Variants in RELN observed in about 807,000 individuals in gnomAD.
RELN encodes the protein reelin.
In RELN, 108 loss-of-function variants were observed where a neutral mutation model predicts 427.6. The ratio of observed to expected loss-of-function variants is 0.25; its 90% CI spans 0.22 to 0.30. The LOEUF is 0.30. RELN is among the 10% of genes least tolerant of loss of function. RELN has a pLI of 1.00. For missense variants in RELN, 3,715 were observed against 4,302.8 expected (o/e 0.86, Z 3.82); for synonymous variants, 1,524 against 1,513.4 (o/e 1.01, Z -0.16).
chr7:103,559,244 GAGATACC>G (rs1180468005), intron 36 of RELN, among the ~76,000 whole-genome samples: 1 of 152,210 alleles, frequency 6.6e-6, no homozygotes, highest in Non-Finnish European at 1.5e-5. Context: ...TATCCTTTAT[GAGATACC>G]AGTGTTTTGT....
At chr7:103,868,218 A>G (rs911322537) in intron 2 of RELN, among the ~76,000 whole-genome samples, 29 of 152,102 alleles carry the variant, frequency 1.9e-4, no homozygotes, top group African/African-American at 6.0e-4. Context: ...TTGGGAACCA[A>G]TTTGGAAATT....
chr7:103,753,751 T>G (rs1791063928), intron 4 of RELN, among the ~76,000 whole-genome samples: 2 of 152,242 alleles, frequency 1.3e-5, no homozygotes, highest in Non-Finnish European at 2.9e-5. Flanking sequence ...TTAACTGTAA[T>G]TTCCAGTATC....
intron 3 of RELN, among the ~76,000 whole-genome samples, chr7:103,782,083 C>T (rs925898916): frequency 6.6e-6 from 1 of 152,074 alleles, no homozygotes; most frequent in African/African-American, 2.4e-5. Flanking sequence ...ACAAGAGCCC[C>T]TATTAACTAA....
chr7:103,906,939 G>A (rs1285758267), intron 2 of RELN, among the ~76,000 whole-genome samples: 1 of 152,058 alleles, frequency 6.6e-6, no homozygotes, highest in Non-Finnish European at 1.5e-5. Flanking sequence ...ATTTCTTTGT[G>A]TCCTCCTTAA....
At chr7:103,496,409 GA>G in intron 56 of RELN, 116 bp downstream of exon 56, 1 of 1,364,560 alleles carries the variant, frequency 7.3e-7, no homozygotes, top group South Asian at 1.2e-5. Flanking sequence ...AACATTTGTT[GA>G]GCAGGAGTAT....
At chr7:103,755,131 A>AT (rs147422867) in intron 4 of RELN, among the ~76,000 whole-genome samples, 1 of 151,594 alleles carries the variant, frequency 6.6e-6, no homozygotes, top group Non-Finnish European at 1.5e-5. Context: ...GACCGAAGGG[A>AT]TTTTTTTGTT....
chr7:103,660,035 G>GA (rs1484081422), intron 12 of RELN, among the ~76,000 whole-genome samples: 2 of 151,846 alleles, frequency 1.3e-5, no homozygotes, highest in African/African-American at 4.8e-5. Context: ...CTTTGTTCCA[G>GA]AAAAAATTAA....
intron 3 of RELN, among the ~76,000 whole-genome samples, chr7:103,785,960 G>A (rs922754203): frequency 6.6e-6 from 1 of 151,290 alleles, no homozygotes; most frequent in Non-Finnish European, 1.5e-5. Context: ...TTTTGACTGT[G>A]ATGAAGTCAA....
chr7:103,485,920 T>A (rs893763307), intron 61 of RELN, among the ~76,000 whole-genome samples: 9 of 152,248 alleles, frequency 5.9e-5, no homozygotes, highest in African/African-American at 1.4e-4. Flanking sequence ...AACCATTTTT[T>A]AAAATATTTG....
intron 6 of RELN, among the ~76,000 whole-genome samples, chr7:103,740,472 G>C (rs682018): frequency 0.22 from 33,282 of 152,064 alleles, 4,811 homozygotes; most frequent in African/African-American, 0.41. Context: ...TAAATAATTT[G>C]AAATATTCAA....
intron 41 of RELN, among the ~76,000 whole-genome samples, chr7:103,548,283 T>A (rs887655991): frequency 6.6e-6 from 1 of 152,240 alleles, no homozygotes; most frequent in African/African-American, 2.4e-5. Context: ...TTTGTGTGTA[T>A]TTCGTGTCCA....
chr7:103,920,567 G>GTTTTTTTTTTTTTT (rs530809994), intron 1 of RELN, among the ~76,000 whole-genome samples: 2 of 134,278 alleles, frequency 1.5e-5, no homozygotes, highest in Admixed American at 1.5e-4. Context: ...CCAGTCTTTG[G>GTTTTTTTTTTTTTT]TTTTTTTTTT....
Position 103,539,324 on chromosome 7 carries a change from G to A in RELN, c.6934C>T (p.Leu2312Phe). 6.2e-7 allele frequency: 1 copy of A among 1,613,762 alleles called. No homozygotes were observed. Among genetic ancestry groups the A allele is most frequent in the South Asian group, 1.1e-5 (1 of 91,066 alleles). Reference sequence around the variant, plus strand: ...TTACCAGAAATATTTCCTCCAATAAGAATCTGAAATGTATTTTTAAAAAAT... The same window carrying A: ...TTACCAGAAATATTTCCTCCAATAAAAATCTGAAATGTATTTTTAAAAAAT... ...FYSPWVIDQI[L>F]IGGNISGNTV... The change falls in exon 45 of 65, where the codon CTT becomes TTT. Residue 2312 changes from leucine (L) to phenylalanine (F), a missense_variant. This residue lies in a region of RELN where 1,310 missense variants were observed against 1,643.0 expected (regional missense o/e 0.80). Transcript: ENST00000428762.
At chr7:103,608,022 A>T (rs961914925) in intron 22 of RELN, among the ~76,000 whole-genome samples, 1 of 152,180 alleles carries the variant, frequency 6.6e-6, no homozygotes, top group Non-Finnish European at 1.5e-5. Context: ...CCCAAAGTTA[A>T]CAAATATGTG....
At chr7:103,877,094 G>A (rs1794497836) in intron 2 of RELN, among the ~76,000 whole-genome samples, 1 of 152,022 alleles carries the variant, frequency 6.6e-6, no homozygotes, top group South Asian at 2.1e-4. Context: ...TCTCAGGGCT[G>A]TTTGCAAATT....
intron 11 of RELN, among the ~76,000 whole-genome samples, chr7:103,675,475 T>C (rs574422654): frequency 1.1e-3 from 174 of 152,298 alleles, no homozygotes; most frequent in Non-Finnish European, 2.2e-3. Flanking sequence ...AGGTAATTTA[T>C]AGATTCAATG....
At chr7:103,504,635 A>G (rs752573871) in intron 51 of RELN, 2 of 152,412 alleles carry the variant, frequency 1.3e-5, no homozygotes, top group African/African-American at 4.8e-5. Context: ...TGGCAGAACC[A>G]CAAGGGGTCG....
At chr7:103,866,124 A>G (rs1425198813) in intron 2 of RELN, among the ~76,000 whole-genome samples, 1 of 152,166 alleles carries the variant, frequency 6.6e-6, no homozygotes, top group Admixed American at 6.6e-5. Flanking sequence ...CCATAACAAA[A>G]GCAAGAATTA....
At chr7:103,872,030 A>ATTTTTTTTTTTTTTTTTTT (rs1554434458) in intron 2 of RELN, among the ~76,000 whole-genome samples, 1 of 138,440 alleles carries the variant, frequency 7.2e-6, no homozygotes, top group Admixed American at 7.2e-5. Context: ...ATATATATAT[A>ATTTTTTTTTTTTTTTTTTT]TTTTTCTTTT....
Sources: allele counts gnomAD v4.1 joint callset (sites outside exome capture counted in the v4.1 genomes callset), GRCh38; gene constraint gnomAD v4.1.1; regional missense constraint gnomAD v4.1.1; transcripts MANE v1.5; gene names NCBI Gene and HGNC (gene_info 2026-07-23, HGNC 2026-07-21).